Variants in ASIC2 observed in about 807,000 individuals in gnomAD.
ASIC2 encodes the protein acid-sensing ion channel 2.
ASIC2 carries 25 observed loss-of-function variants against 57.3 expected under a neutral mutation model. The observed-to-expected ratio is 0.44, with a 90% CI of 0.32 to 0.61. ASIC2 has a LOEUF of 0.61. Ranked by LOEUF, ASIC2 falls within the 20% of genes least tolerant of loss-of-function variation. The pLI is 0.06. For missense variants in ASIC2, 641 were observed against 738.1 expected (o/e 0.87, Z 1.52); for synonymous variants, 319 against 307.5 (o/e 1.04, Z -0.39).
chr17:33,126,367 C>T (rs1158365122), intron 1 of ASIC2, among the ~76,000 whole-genome samples: 3 of 152,310 alleles, frequency 2.0e-5, no homozygotes, highest in Non-Finnish European at 2.9e-5. Flanking sequence ...TACATGGAAA[C>T]GAAGTCCAGT....
chr17:33,061,670 G>A (rs1015857652), intron 3 of ASIC2, among the ~76,000 whole-genome samples: 6 of 152,180 alleles, frequency 3.9e-5, no homozygotes, highest in Non-Finnish European at 8.8e-5. Flanking sequence ...GATGATGCTG[G>A]CCTCATAAAA....
intron 1 of ASIC2, among the ~76,000 whole-genome samples, chr17:33,179,998 AT>A (rs1464145076): frequency 6.6e-6 from 1 of 152,212 alleles, no homozygotes; most frequent in African/African-American, 2.4e-5. Flanking sequence ...TCCTTCTTAG[AT>A]TCTTTGATTG....
At chr17:33,543,329 G>C (rs766314967) in intron 1 of ASIC2, among the ~76,000 whole-genome samples, 1 of 151,930 alleles carries the variant, frequency 6.6e-6, no homozygotes, top group Non-Finnish European at 1.5e-5. Context: ...TCTTCAGTTT[G>C]TGTGCCAGGG....
At chr17:33,577,997 C>T (rs1327806953) in intron 1 of ASIC2, among the ~76,000 whole-genome samples, 1 of 151,784 alleles carries the variant, frequency 6.6e-6, no homozygotes, top group African/African-American at 2.4e-5. Context: ...GGCTTCCAAT[C>T]TCCATTTACA....
intron 1 of ASIC2, among the ~76,000 whole-genome samples, chr17:33,327,031 T>C (rs1907106442): frequency 6.6e-6 from 1 of 152,188 alleles, no homozygotes; most frequent in Non-Finnish European, 1.5e-5. Context: ...ATGAGTCAGG[T>C]ATCATTACAG....
At chr17:33,379,511 C>T (rs145942206) in intron 1 of ASIC2, among the ~76,000 whole-genome samples, 5 of 152,282 alleles carry the variant, frequency 3.3e-5, no homozygotes, top group African/African-American at 4.8e-5. Flanking sequence ...TGAGGATTCC[C>T]GTGGATGCCC....
intron 1 of ASIC2, among the ~76,000 whole-genome samples, chr17:33,579,393 T>C (rs1246772521): frequency 3.3e-5 from 5 of 151,756 alleles, no homozygotes; most frequent in African/African-American, 4.9e-5. Context: ...CTCCGCCTCA[T>C]TATTCTGGAG....
chr17:33,522,940 C>A (rs553006163), intron 1 of ASIC2, among the ~76,000 whole-genome samples: 1 of 152,204 alleles, frequency 6.6e-6, no homozygotes, highest in East Asian at 1.9e-4. Flanking sequence ...CCTACCCCAC[C>A]CACCGCAAGC....
At chr17:34,099,122 GAGAGAGAGAGAGAGAGAGAGAGAC>G (rs1257813629) in intron 1 of ASIC2, among the ~76,000 whole-genome samples, 53 of 27,630 alleles carry the variant, frequency 1.9e-3, no homozygotes, top group South Asian at 6.4e-3. Context: ...GAGAGAGAGA[GAGAGAGAGAGAGAGAGAGAGAGAC>G]AGAGAGAGAG....
chr17:33,353,586 A>G (rs1187191881), intron 1 of ASIC2, among the ~76,000 whole-genome samples: 2 of 152,032 alleles, frequency 1.3e-5, no homozygotes, highest in Non-Finnish European at 2.9e-5. Flanking sequence ...TGATCCTCCT[A>G]CCTCAGACTC....
At chr17:33,321,369 CA>C (rs1287737239) in intron 1 of ASIC2, among the ~76,000 whole-genome samples, 1 of 152,122 alleles carries the variant, frequency 6.6e-6, no homozygotes, top group African/African-American at 2.4e-5. Context: ...TTCATTTTTA[CA>C]AATGTGAAAC....
chr17:33,850,247 T>C (rs1913728523), intron 1 of ASIC2, among the ~76,000 whole-genome samples: 2 of 152,180 alleles, frequency 1.3e-5, no homozygotes, highest in African/African-American at 4.8e-5. Context: ...CTGTATCCAT[T>C]TCCTCTCCTT....
chr17:33,363,066 G>A (rs1443320574), intron 1 of ASIC2, among the ~76,000 whole-genome samples: 2 of 152,092 alleles, frequency 1.3e-5, no homozygotes, highest in Non-Finnish European at 2.9e-5. Context: ...CCTAATATAT[G>A]GGCCCCAACA....
intron 1 of ASIC2, among the ~76,000 whole-genome samples, chr17:33,591,518 T>G (rs1597800076): frequency 6.6e-6 from 1 of 152,190 alleles, no homozygotes; most frequent in Non-Finnish European, 1.5e-5. Flanking sequence ...ACTTAGAGTA[T>G]GTAGCAGACA....
intron 1 of ASIC2, among the ~76,000 whole-genome samples, chr17:33,590,282 T>A (rs546026855): frequency 1.3e-5 from 2 of 152,326 alleles, no homozygotes; most frequent in Non-Finnish European, 2.9e-5. Context: ...TTGAAAGTGC[T>A]TTATACCTTT....
At chr17:33,256,314 G>T (rs1909067604) in intron 1 of ASIC2, among the ~76,000 whole-genome samples, 1 of 152,026 alleles carries the variant, frequency 6.6e-6, no homozygotes, top group Non-Finnish European at 1.5e-5. Context: ...TTAAGTAAAA[G>T]ATACAGAACA....
chr17:33,518,307 G>C (rs1954930937), intron 1 of ASIC2, among the ~76,000 whole-genome samples: 1 of 152,180 alleles, frequency 6.6e-6, no homozygotes, highest in Non-Finnish European at 1.5e-5. Flanking sequence ...ATGGAAGTGC[G>C]GGCGAAGGAG....
intron 3 of ASIC2, among the ~76,000 whole-genome samples, chr17:33,079,405 G>A (rs1009120368): frequency 8.5e-5 from 13 of 152,220 alleles, no homozygotes; most frequent in Non-Finnish European, 1.8e-4. Flanking sequence ...GAGAGTGTGC[G>A]ATGCTGGGAG....
At chr17:33,974,484 G>T (rs550598537) in intron 1 of ASIC2, among the ~76,000 whole-genome samples, 249 of 152,278 alleles carry the variant, frequency 1.6e-3, no homozygotes, top group African/African-American at 6.0e-3. Flanking sequence ...CAGTCTCAGT[G>T]GTGGTATCCA....
Sources: allele counts gnomAD v4.1 joint callset (sites outside exome capture counted in the v4.1 genomes callset), GRCh38; gene constraint gnomAD v4.1.1; transcripts MANE v1.5; gene names NCBI Gene and HGNC (gene_info 2026-07-23, HGNC 2026-07-21).